Variants in TNC observed in about 807,000 individuals in gnomAD.
The protein encoded by TNC is tenascin.
Under a neutral mutation model 202.4 loss-of-function variants are expected in TNC, and 109 were observed. The observed-to-expected ratio is 0.54, with a 90% CI of 0.46 to 0.63. TNC has a LOEUF of 0.63. Ranked by LOEUF, TNC falls within the 30% of genes least tolerant of loss-of-function variation. The pLI is 0.00. For missense variants in TNC, 2,756 were observed against 2,833.3 expected, an observed-to-expected ratio of 0.97 and a Z score of 0.62; for synonymous variants, 1,007 against 1,089.7, an observed-to-expected ratio of 0.92 and a Z score of 1.50.
At chr9:115,077,108 G>T (rs1476466044) in intron 7 of TNC, among the ~76,000 whole-genome samples, 2 of 152,150 alleles carry the variant, frequency 1.3e-5, no homozygotes, top group East Asian at 3.9e-4. Flanking sequence ...CACCCAGGTT[G>T]GAATGCAGTG....
chr9:115,069,297 C>T (rs1305371932), intron 10 of TNC, among the ~76,000 whole-genome samples: 1 of 152,130 alleles, frequency 6.6e-6, no homozygotes, highest in African/African-American at 2.4e-5. Context: ...TATGTTTCTG[C>T]CTATCACCCC....
At chr9:115,092,500 G>T (rs1835305516) in intron 1 of TNC, among the ~76,000 whole-genome samples, 1 of 152,184 alleles carries the variant, frequency 6.6e-6, no homozygotes, top group South Asian at 2.1e-4. Flanking sequence ...TACACGATAT[G>T]AAGTCATTCA....
chr9:115,053,391 A>C (rs991413274), intron 15 of TNC, among the ~76,000 whole-genome samples: 2 of 152,202 alleles, frequency 1.3e-5, no homozygotes, highest in Non-Finnish European at 2.9e-5. Context: ...CAAGCCCTGT[A>C]AGATGTTCCA....
intron 15 of TNC, among the ~76,000 whole-genome samples, chr9:115,052,321 G>C (rs1831750670): frequency 6.6e-6 from 1 of 151,866 alleles, no homozygotes; most frequent in South Asian, 2.1e-4. Context: ...ATGAAGAAAG[G>C]GGAGATGTTG....
At chr9:115,052,951 T>C in intron 15 of TNC, 1 of 702,736 alleles carries the variant, frequency 1.4e-6, no homozygotes, top group Non-Finnish European at 2.6e-6. Flanking sequence ...GAGTGGTCCA[T>C]GACATGTTGA....
chr9:115,109,051 T>A (rs946876799), intron 1 of TNC, among the ~76,000 whole-genome samples: 2 of 152,220 alleles, frequency 1.3e-5, no homozygotes, highest in Non-Finnish European at 2.9e-5. Context: ...ATGTATTGAA[T>A]GGACATATGA....
At chr9:115,093,917 G>A (rs924618360) in intron 1 of TNC, among the ~76,000 whole-genome samples, 3 of 152,060 alleles carry the variant, frequency 2.0e-5, no homozygotes, top group Non-Finnish European at 4.4e-5. Flanking sequence ...GGCTCATGGT[G>A]GTCTGAGGGC....
At chr9:115,028,139 T>C (rs12002917) in intron 25 of TNC, among the ~76,000 whole-genome samples, 1,969 of 152,282 alleles carry the variant, frequency 0.013, 47 homozygotes, top group African/African-American at 0.045. Context: ...AATGTAATCA[T>C]GTATCATGTT....
chr9:115,026,664 C>G lies in TNC; in HGVS notation c.6201G>C (p.Gln2067His). The change falls in exon 26 of 28, where the codon CAG (glutamine) becomes CAC (histidine). Residue 2067 changes from glutamine to histidine, a missense_variant. By Grantham distance (24) the Gln-to-His change is conservative. Around this residue, in one of 2 missense-constraint regions of TNC, gnomAD observed 197 missense variants for 287.3 expected, o/e 0.69. Coordinates refer to ENST00000350763, the MANE Select transcript of TNC (RefSeq NM_002160.4). ...GGTCCACCCGGAGCTCGTACTGCCC[C>G]TGGGCTGTGATTTTGTTCAGGTTGT... ...GLDNLNKITA[Q>H]GQYELRVDLR... is the part of the protein sequence containing the mutation. 1.2e-6 allele frequency: 2 copies of G among 1,613,952 alleles called. No individual in the cohort carries two copies. The highest frequency in any genetic ancestry group is 1.7e-6 in the Non-Finnish European group (2 of 1,179,958).
intron 2 of TNC, among the ~76,000 whole-genome samples, chr9:115,088,323 T>C (rs1024423316): frequency 6.6e-6 from 1 of 152,214 alleles, no homozygotes; most frequent in Non-Finnish European, 1.5e-5. Context: ...AACCAAAACA[T>C]TCTAATTTTC....
intron 15 of TNC, chr9:115,055,389 G>A (rs566672106): frequency 1.3e-5 from 2 of 152,676 alleles, no homozygotes; most frequent in Middle Eastern, 3.4e-3. Flanking sequence ...GAGCAACTAG[G>A]AGGGTGAAAA....
intron 21 of TNC, 82 bp from the exon 22 acceptor site, chr9:115,035,416 G>A: frequency 6.9e-7 from 1 of 1,450,584 alleles, no homozygotes. Flanking sequence ...AGAAGACTGG[G>A]TTCAAGTCCT....
At chr9:115,060,444 C>T (rs1327227795) in intron 13 of TNC, among the ~76,000 whole-genome samples, 1 of 152,176 alleles carries the variant, frequency 6.6e-6, no homozygotes, top group African/African-American at 2.4e-5. Flanking sequence ...CTCTCTGAGC[C>T]ACCCTCTCTT....
At chr9:115,032,033 A>G (rs1225420195) in intron 22 of TNC, among the ~76,000 whole-genome samples, 1 of 152,166 alleles carries the variant, frequency 6.6e-6, no homozygotes, top group Non-Finnish European at 1.5e-5. Context: ...GGAGAATGGG[A>G]TTGTAATGGT....
At chr9:115,036,067 G>A (rs1279253165) in intron 21 of TNC, 31 bp downstream of exon 21, 4 of 1,612,682 alleles carry the variant, frequency 2.5e-6, no homozygotes, top group South Asian at 2.2e-5. Context: ...ACCCCAGAAG[G>A]GAGAGCTTCC....
intron 13 of TNC, among the ~76,000 whole-genome samples, chr9:115,060,822 AC>A (rs1277521523): frequency 6.6e-6 from 1 of 151,922 alleles, no homozygotes; most frequent in Non-Finnish European, 1.5e-5. Context: ...TTCTTCTTCC[AC>A]CTTTTTCTGC....
intron 15 of TNC, among the ~76,000 whole-genome samples, chr9:115,056,674 A>G (rs1832150281): frequency 6.6e-6 from 1 of 152,160 alleles, no homozygotes; most frequent in African/African-American, 2.4e-5. Flanking sequence ...TTACTTTCCC[A>G]GTTGGAAAAA....
chr9:115,096,472 G>T (rs927472822), intron 1 of TNC, among the ~76,000 whole-genome samples: 2 of 152,136 alleles, frequency 1.3e-5, no homozygotes, highest in African/African-American at 2.4e-5. Flanking sequence ...GAGCAGTACT[G>T]GTTTAGAGGA....
rs757889895 is a variant in TNC, at chr9:115,063,890, C to A, written c.3666G>T (p.Leu1222=). 10 of 1,614,086 alleles carry A rather than the reference C, an allele frequency of 6.2e-6. No individual in the cohort carries two copies. The East Asian group carries it at 2.2e-4, about 36-fold the overall frequency. The part of the protein sequence containing the change: ...TVPGGLRSTD[L]PGLKAATHYT... ...AATGAGTGGCTGCTTTGAGCCCAGGCAGGTCTGTGGACCTCAGTCCTCCTG... is the reference window on the plus strand; with the variant it reads ...AATGAGTGGCTGCTTTGAGCCCAGGAAGGTCTGTGGACCTCAGTCCTCCTG... Residue 1222 remains leucine (L), a synonymous_variant, in exon 12 of 28, where the codon CTG becomes CTT. Transcript: ENST00000350763.
Sources: gnomAD v4.1 joint callset for allele counts (sites outside exome capture counted in the v4.1 genomes callset) on GRCh38, gnomAD v4.1.1 for gene constraint, gnomAD v4.1.1 regional missense constraint, MANE v1.5 for transcripts, NCBI Gene and HGNC (gene_info 2026-07-23, HGNC 2026-07-21) for gene names.